Variants in FBXO11 observed in about 807,000 individuals in gnomAD.
The protein encoded by FBXO11 is F-box only protein 11.
FBXO11 carries 13 observed loss-of-function variants against 117.0 expected under a neutral mutation model. The observed-to-expected ratio is 0.11, with a 90% confidence interval of 0.07 to 0.18. The LOEUF is 0.18. Ranked by LOEUF, FBXO11 falls within the 10% of genes least tolerant of loss-of-function variation. FBXO11 has a pLI of 1.00. For synonymous variants in FBXO11, 490 were observed against 380.5 expected (o/e 1.29, Z -3.35); for missense variants, 767 against 1,164.4 (o/e 0.66, Z 4.97).
intron 1 of FBXO11, among the ~76,000 whole-genome samples, chr2:47,893,149 G>A (rs914446072): frequency 2.1e-4 from 28 of 134,120 alleles, no homozygotes; most frequent in African/African-American, 6.9e-4. Context: ...GTGATACTCT[G>A]TCTCAAAAAA....
intron 1 of FBXO11, 65 bp from the exon 2 acceptor site, chr2:47,839,834 A>G (rs1672876506): frequency 1.4e-6 from 2 of 1,471,448 alleles, no homozygotes; most frequent in Non-Finnish European, 1.8e-6. Context: ...TGGATACAGA[A>G]AACTTTCTTA....
At chr2:47,863,213 T>C (rs1674926798) in intron 1 of FBXO11, among the ~76,000 whole-genome samples, 1 of 152,180 alleles carries the variant, frequency 6.6e-6, no homozygotes, top group Non-Finnish European at 1.5e-5. Flanking sequence ...CAACATATAG[T>C]AGTCTCAAGT....
At chr2:47,895,624 G>C (rs1019768042) in intron 1 of FBXO11, among the ~76,000 whole-genome samples, 2 of 152,152 alleles carry the variant, frequency 1.3e-5, no homozygotes, top group African/African-American at 4.8e-5. Flanking sequence ...CGGATGATTT[G>C]TGCACTTACA....
Position 47,823,131 on chromosome 2 carries a change from A to G in FBXO11, c.1616+12T>C, listed in dbSNP as rs747954381. The G allele has an allele frequency of 7.0e-6, 11 of 1,570,484 alleles. No homozygotes were observed. Among genetic ancestry groups the G allele is most frequent in the Non-Finnish European group, 9.5e-6 (11 of 1,153,028 alleles). On this transcript the variant is annotated intron_variant, in intron 12 of 22. Coordinates refer to ENST00000403359, the MANE Select transcript of FBXO11 (RefSeq NM_001190274.2). Reference sequence around the variant, plus strand: ...GAAAAAGTAATTTTCACCCATAATTATATGTAAATACCTTATTGTTGGGTC... The same window carrying G: ...GAAAAAGTAATTTTCACCCATAATTGTATGTAAATACCTTATTGTTGGGTC...
intron 1 of FBXO11, 59 bp downstream of exon 1, chr2:47,905,430 C>T (rs1394099297): frequency 1.7e-6 from 2 of 1,185,756 alleles, no homozygotes; most frequent in Middle Eastern, 3.4e-4. Context: ...CCGCCCGCCC[C>T]GGCCTCCCTT....
In FBXO11 at chr2:47,807,822, A is replaced by G; in HGVS notation, c.*296T>C. Reference sequence around the variant, plus strand: ...TTGGACTGCATTCAATGCTAGTTGTAAAAACACCAGCTTTTCAGAAGTTGG... The same window carrying G: ...TTGGACTGCATTCAATGCTAGTTGTGAAAACACCAGCTTTTCAGAAGTTGG... On this transcript the variant is annotated 3_prime_UTR_variant, in exon 23 of 23. Transcript: ENST00000403359. 1 of 296,836 alleles carries G rather than the reference A, an allele frequency of 3.4e-6. No homozygotes were observed. The highest frequency in any genetic ancestry group is 9.9e-4 in the Middle Eastern group (1 of 1,008). The allele number at this position is 296,836 out of a possible 1,614,324, so 18.4% of individuals were successfully genotyped here.
chr2:47,814,551 G>C (rs963771820), intron 16 of FBXO11, among the ~76,000 whole-genome samples: 1 of 151,854 alleles, frequency 6.6e-6, no homozygotes, highest in Non-Finnish European at 1.5e-5. Context: ...GTTAATTTTT[G>C]TATTTTTTGT....
chr2:47,905,447 G>T (rs2104135748), intron 1 of FBXO11, 42 bp downstream of exon 1: 1 of 1,204,170 alleles, frequency 8.3e-7, no homozygotes. Context: ...CCTTCCCGCG[G>T]TGCCCGGGAA....
chr2:47,891,278 C>A (rs1020522022), intron 1 of FBXO11, among the ~76,000 whole-genome samples: 8 of 152,168 alleles, frequency 5.3e-5, no homozygotes, highest in Non-Finnish European at 8.8e-5. Flanking sequence ...AGTAACTCCA[C>A]ATTTCCCCCT....
intron 1 of FBXO11, among the ~76,000 whole-genome samples, chr2:47,866,145 C>CT (rs1675176498): frequency 6.7e-6 from 1 of 150,044 alleles, no homozygotes; most frequent in Admixed American, 6.7e-5. Context: ...ACTTGAAAGG[C>CT]TGAAGCAGGA....
chr2:47,893,414 T>C (rs1314696531), intron 1 of FBXO11, among the ~76,000 whole-genome samples: 2 of 152,108 alleles, frequency 1.3e-5, no homozygotes, highest in African/African-American at 2.4e-5. Flanking sequence ...TGTATCTCTA[T>C]CCCTAGAAAT....
chr2:47,807,212 C>G lies in FBXO11; in HGVS notation c.*906G>C. On this transcript the variant is annotated 3_prime_UTR_variant, in exon 23 of 23. Coordinates refer to ENST00000403359, the MANE Select transcript of FBXO11 (RefSeq NM_001190274.2). Reference sequence around the variant, plus strand: ...TTAATTTCCAGCAGTTTTGTCTAAACTGTTCAAAAAAAAACTATGAACAGA... The same window carrying G: ...TTAATTTCCAGCAGTTTTGTCTAAAGTGTTCAAAAAAAAACTATGAACAGA... The G allele has an allele frequency of 3.9e-6, 1 of 254,178 alleles. No homozygotes were observed. The highest frequency in any genetic ancestry group is 7.6e-6 in the Non-Finnish European group (1 of 131,058). 15.7% of individuals were successfully genotyped at this position (254,178 alleles called of 1,614,324 possible).
intron 1 of FBXO11, among the ~76,000 whole-genome samples, chr2:47,878,732 T>C (rs1027695621): frequency 2.0e-5 from 3 of 151,584 alleles, no homozygotes; most frequent in African/African-American, 4.8e-5. Flanking sequence ...AATCCCAGCA[T>C]TTTGGGAGAC....
chr2:47,834,404 A>C (rs1003748192), intron 7 of FBXO11, among the ~76,000 whole-genome samples, 175 bp downstream of exon 7: 1 of 152,080 alleles, frequency 6.6e-6, no homozygotes, highest in African/African-American at 2.4e-5. Flanking sequence ...ATACAGCTAT[A>C]ATTTCTGAAC....
At chr2:47,871,427 T>A (rs956389233) in intron 1 of FBXO11, among the ~76,000 whole-genome samples, 2 of 152,196 alleles carry the variant, frequency 1.3e-5, no homozygotes, top group Admixed American at 1.3e-4. Context: ...TGCAACCTAA[T>A]GAGACTTTGA....
intron 4 of FBXO11, 111 bp from the exon 5 acceptor site, chr2:47,836,112 A>C: frequency 1.5e-6 from 1 of 651,048 alleles, no homozygotes; most frequent in Non-Finnish European, 2.4e-6. Flanking sequence ...GTAAGAAAGT[A>C]AGAATAGACA....
intron 1 of FBXO11, among the ~76,000 whole-genome samples, chr2:47,848,517 G>C (rs1432307694): frequency 6.6e-6 from 1 of 152,142 alleles, no homozygotes; most frequent in African/African-American, 2.4e-5. Flanking sequence ...TGCCAAAAAA[G>C]GTTGGGGACC....
At chr2:47,880,352 T>C (rs1676347690) in intron 1 of FBXO11, among the ~76,000 whole-genome samples, 1 of 152,206 alleles carries the variant, frequency 6.6e-6, no homozygotes, top group Admixed American at 6.5e-5. Flanking sequence ...CATACTAAAA[T>C]TATAAGAAGA....
intron 1 of FBXO11, among the ~76,000 whole-genome samples, chr2:47,850,606 G>A (rs756181156): frequency 5.6e-4 from 86 of 152,266 alleles, no homozygotes; most frequent in Non-Finnish European, 8.5e-4. Flanking sequence ...TATAGAAAAT[G>A]TCCACAGATT....
Sources: gnomAD v4.1 joint callset for allele counts (sites outside exome capture counted in the v4.1 genomes callset) on GRCh38, gnomAD v4.1.1 for gene constraint, MANE v1.5 for transcripts, NCBI Gene and HGNC (gene_info 2026-07-23, HGNC 2026-07-21) for gene names.